The following PPFIA4 variants were observed in gnomAD, a reference collection of about 807,000 sequenced individuals.
The protein encoded by PPFIA4 is liprin-alpha-4.
Under a neutral mutation model 145.7 loss-of-function variants are expected in PPFIA4, and 98 were observed. The observed-to-expected ratio is 0.67, with a 90% CI of 0.57 to 0.80. The LOEUF (loss-of-function observed/expected upper bound fraction) is 0.80, where lower values mean the gene tolerates loss of function less well. PPFIA4 is among the 30% of genes least tolerant of loss of function. PPFIA4 has a pLI of 0.00. For missense variants in PPFIA4, 1,457 were observed against 1,632.7 expected (o/e 0.89, Z 1.85); for synonymous variants, 628 against 649.6 (o/e 0.97, Z 0.51).
At position 203,039,068 on chromosome 1, in the gene PPFIA4, C is replaced by A; in HGVS notation, c.60C>A (p.Ala20=). 1 of 1,603,852 alleles carries A rather than the reference C, an allele frequency of 6.2e-7. No homozygotes were observed. The highest frequency in any genetic ancestry group is 1.1e-5 in the South Asian group (1 of 89,562). Residue 20 remains alanine (A), a synonymous_variant, in exon 2 of 30, where the codon GCC becomes GCA. Transcript: ENST00000295706. ...EGDRLGPPHG[A]DADANFEQLM... ...ACCGCCTGGGTCCCCCTCATGGCGC[C>A]GATGCTGACGCCAACTTCGAGCAGC... is the stretch of plus-strand genomic sequence containing the variant.
At chr1:203,027,879 C>A (rs1658520189) in intron 1 of PPFIA4, among the ~76,000 whole-genome samples, 1 of 152,170 alleles carries the variant, frequency 6.6e-6, no homozygotes, top group Non-Finnish European at 1.5e-5. Flanking sequence ...ACTGTGTCCA[C>A]GTGCTTTCAA....
intron 27 of PPFIA4, among the ~76,000 whole-genome samples, chr1:203,071,256 G>A (rs533034095): frequency 3.4e-5 from 5 of 147,008 alleles, no homozygotes; most frequent in Admixed American, 1.4e-4. Flanking sequence ...TGCAAGCTCC[G>A]CCTCCCGGGT....
chr1:203,063,432 T>G (rs1370767193), intron 24 of PPFIA4: 1 of 186,456 alleles, frequency 5.4e-6, no homozygotes, highest in Non-Finnish European at 1.1e-5. Context: ...GCAGGTCCTC[T>G]GTAACACAGC....
At chr1:203,047,352 C>T (rs781002818) in intron 9 of PPFIA4, among the ~76,000 whole-genome samples, 5 of 151,872 alleles carry the variant, frequency 3.3e-5, no homozygotes, top group African/African-American at 1.2e-4. Flanking sequence ...TTTCCAGCCT[C>T]GAGGAATGAA....
intron 9 of PPFIA4, among the ~76,000 whole-genome samples, chr1:203,047,090 G>A (rs1204299974): frequency 2.6e-5 from 4 of 152,196 alleles, no homozygotes; most frequent in Non-Finnish European, 5.9e-5. Flanking sequence ...CTTCGAACCC[G>A]TGGCGAGAAG....
chr1:203,047,688 C>T (rs1321447722), intron 9 of PPFIA4, among the ~76,000 whole-genome samples: 1 of 152,112 alleles, frequency 6.6e-6, no homozygotes, highest in East Asian at 1.9e-4. Flanking sequence ...TCAGTGTTCG[C>T]CTTGGATTAT....
At chr1:203,061,390 G>A in intron 23 of PPFIA4, 1 of 524,500 alleles carries the variant, frequency 1.9e-6, no homozygotes. Context: ...GGAGTGTTGG[G>A]AGAGCTGGGC....
intron 2 of PPFIA4, among the ~76,000 whole-genome samples, chr1:203,041,219 A>AAC (rs1659673216): frequency 1.3e-5 from 2 of 152,240 alleles, no homozygotes; most frequent in African/African-American, 4.8e-5. Context: ...GTTTAGAAGC[A>AAC]GCAGGTGATC....
intron 28 of PPFIA4, among the ~76,000 whole-genome samples, chr1:203,074,328 T>C (rs1662371421): frequency 6.6e-6 from 1 of 152,178 alleles, no homozygotes; most frequent in Admixed American, 6.5e-5. Context: ...TACAGCTTGT[T>C]ACTGTATTGA....
intron 15 of PPFIA4, 86 bp downstream of exon 15, chr1:203,054,047 A>G: frequency 7.1e-7 from 1 of 1,417,620 alleles, no homozygotes; most frequent in Non-Finnish European, 9.6e-7. Flanking sequence ...GGGTTTGCCC[A>G]ACTCTTATAG....
intron 13 of PPFIA4, chr1:203,051,218 C>T: frequency 1.0e-6 from 1 of 985,326 alleles, no homozygotes; most frequent in South Asian, 4.7e-5. Context: ...AGTGTTAGGG[C>T]CTCCTAAAGC....
chr1:203,040,505 C>A (rs1659625593), intron 2 of PPFIA4, among the ~76,000 whole-genome samples: 1 of 152,154 alleles, frequency 6.6e-6, no homozygotes, highest in Non-Finnish European at 1.5e-5. Flanking sequence ...AGGTGGGGAC[C>A]TCCTCTTTCA....
In PPFIA4 at chr1:203,037,493, T is replaced by C. The variant is rs1659369332; in HGVS notation, c.-399-1117T>C. Among the ~76,000 whole-genome samples the C allele has an allele frequency of 2.6e-5, 4 of 152,252 alleles. No individual in the cohort carries two copies. In the South Asian group the frequency reaches 6.2e-4, roughly 24 times the overall value. On this transcript the variant is annotated intron_variant, in intron 1 of 29. Coordinates refer to ENST00000295706, the MANE Select transcript of PPFIA4 (RefSeq NM_001304331.2). ...CCTTCTGTCCTGCAACTGGGACCTC[T>C]GAAGACAGTCCTCTCTGAAAAACGA...
chr1:203,052,009 C>A, intron 14 of PPFIA4, 132 bp downstream of exon 14: 2 of 972,722 alleles, frequency 2.1e-6, no homozygotes, highest in South Asian at 1.7e-5. Flanking sequence ...CAGCTGCAGC[C>A]CTGGGGTTGA....
intron 15 of PPFIA4, among the ~76,000 whole-genome samples, chr1:203,054,553 T>C (rs1172966592): frequency 6.6e-6 from 1 of 152,154 alleles, no homozygotes; most frequent in Non-Finnish European, 1.5e-5. Flanking sequence ...AATGAGTTTA[T>C]TAATGTTAAT....
chr1:203,075,729 G>A lies in PPFIA4; in HGVS notation c.3546G>A (p.Pro1182=). The change falls in exon 29 of 30, where the codon CCG becomes CCA. Residue 1182 remains proline, a synonymous_variant. Transcript: ENST00000295706. This position sits in a 1 kb window ranked among gnomAD's most constrained non-coding sequence, Gnocchi z 4.1. Reference sequence around the variant, plus strand: ...CCCTGGGGACCCTGCAGCCCCCACCGGCCCCGCCAAAGAAGATCATGCCTG... The same window carrying A: ...CCCTGGGGACCCTGCAGCCCCCACCAGCCCCGCCAAAGAAGATCATGCCTG... The part of the protein sequence containing the change: ...VSTLGTLQPP[P]APPKKIMPEA... The A allele has an allele frequency of 7.2e-6, 10 of 1,383,874 alleles. No homozygotes were observed. Among genetic ancestry groups the A allele is most frequent in the Middle Eastern group, 1.9e-4 (1 of 5,232 alleles). The allele number at this position is 1,383,874 out of a possible 1,614,324, so 85.7% of individuals were successfully genotyped here.
At chr1:203,056,349 C>T (rs1167062541) in intron 17 of PPFIA4, 26 bp from the exon 18 acceptor site, 19 of 1,612,120 alleles carry the variant, frequency 1.2e-5, no homozygotes, top group Non-Finnish European at 1.6e-5. Flanking sequence ...TCCCTCTATC[C>T]CCTGACGGCT....
At chr1:203,030,050 G>T (rs1397414181) in intron 1 of PPFIA4, among the ~76,000 whole-genome samples, 3 of 152,142 alleles carry the variant, frequency 2.0e-5, no homozygotes, top group Admixed American at 2.0e-4. Flanking sequence ...TGCCTTCATG[G>T]CCACTGTCTT....
chr1:203,050,758 G>C (rs944394266), intron 13 of PPFIA4, among the ~76,000 whole-genome samples: 4 of 152,070 alleles, frequency 2.6e-5, no homozygotes, highest in African/African-American at 9.7e-5. Context: ...GGGAAGCAGA[G>C]GATGGAGACA....
Sources: allele counts gnomAD v4.1 joint callset (sites outside exome capture counted in the v4.1 genomes callset), GRCh38; gene constraint gnomAD v4.1.1; non-coding constraint Gnocchi (gnomAD v3.1); transcripts MANE v1.5; gene names NCBI Gene and HGNC (gene_info 2026-07-23, HGNC 2026-07-21).